The following PARP8 variants were observed in gnomAD, a reference collection of about 807,000 sequenced individuals.
The protein encoded by PARP8 is protein mono-ADP-ribosyltransferase PARP8.
In PARP8, 51 loss-of-function variants were observed where a neutral mutation model predicts 124.1. The ratio of observed to expected loss-of-function variants is 0.41; its 90% CI spans 0.33 to 0.52. The LOEUF (loss-of-function observed/expected upper bound fraction) is 0.52, where lower values mean the gene tolerates loss of function less well. PARP8 is among the 20% of genes least tolerant of loss of function. The pLI is 0.21. For missense variants in PARP8, 860 were observed against 1,018.9 expected (o/e 0.84, Z 2.12); for synonymous variants, 391 against 361.5 (o/e 1.08, Z -0.93).
chr5:50,823,882 G>T (rs1196338431), intron 17 of PARP8, among the ~76,000 whole-genome samples: 1 of 152,238 alleles, frequency 6.6e-6, no homozygotes, highest in East Asian at 1.9e-4. Flanking sequence ...CCTTGGGCAA[G>T]TTGCTTAATT....
intron 2 of PARP8, among the ~76,000 whole-genome samples, chr5:50,701,679 A>G (rs1753608890): frequency 6.6e-6 from 1 of 152,124 alleles, no homozygotes; most frequent in African/African-American, 2.4e-5. Flanking sequence ...CCATTTAAAT[A>G]ATGTGTTGAT....
intron 7 of PARP8, among the ~76,000 whole-genome samples, chr5:50,775,808 A>G: frequency 6.6e-6 from 1 of 152,044 alleles, no homozygotes; most frequent in East Asian, 1.9e-4. Flanking sequence ...GAGCCTTTAG[A>G]GTTTTTTATA....
intron 3 of PARP8, among the ~76,000 whole-genome samples, chr5:50,755,867 T>A (rs1759884207): frequency 6.6e-6 from 1 of 152,272 alleles, no homozygotes; most frequent in South Asian, 2.1e-4. Context: ...TCAGCAGTGG[T>A]TTGTAGTTCT....
intron 14 of PARP8, among the ~76,000 whole-genome samples, chr5:50,803,259 C>A (rs1360905329): frequency 6.6e-6 from 1 of 152,122 alleles, no homozygotes; most frequent in East Asian, 1.9e-4. Context: ...TTCGAGATTT[C>A]TTCTTTGTCT....
chr5:50,719,384 C>G (rs546713520), intron 2 of PARP8, among the ~76,000 whole-genome samples: 1 of 151,982 alleles, frequency 6.6e-6, no homozygotes, highest in African/African-American at 2.4e-5. Flanking sequence ...TGATGTCTTA[C>G]TTAAGAAATC....
chr5:50,778,152 A>G, intron 8 of PARP8, 23 bp downstream of exon 8: 1 of 1,476,072 alleles, frequency 6.8e-7, no homozygotes, highest in Non-Finnish European at 9.4e-7. Flanking sequence ...TTTATGTAAT[A>G]TGAATGGTGC....
intron 14 of PARP8, among the ~76,000 whole-genome samples, chr5:50,815,042 T>G (rs142041345): frequency 9.3e-4 from 141 of 152,274 alleles, no homozygotes; most frequent in Non-Finnish European, 1.1e-3. Flanking sequence ...ATGTTTGTTT[T>G]ATACAGCTTT....
At chr5:50,760,412 A>G in intron 5 of PARP8, 50 bp downstream of exon 5, 2 of 1,295,976 alleles carry the variant, frequency 1.5e-6, no homozygotes, top group Middle Eastern at 2.6e-4. Context: ...GATATATTTA[A>G]AATTTACTGG....
chr5:50,685,827 C>G (rs1452986481), intron 2 of PARP8, among the ~76,000 whole-genome samples: 1 of 152,166 alleles, frequency 6.6e-6, no homozygotes, highest in Non-Finnish European at 1.5e-5. Context: ...GCAAAGAGAG[C>G]TTGTGCAGCA....
chr5:50,746,638 A>G (rs759084672), intron 2 of PARP8, among the ~76,000 whole-genome samples: 1 of 152,196 alleles, frequency 6.6e-6, no homozygotes, highest in Non-Finnish European at 1.5e-5. Flanking sequence ...CCTCTAAATT[A>G]ACCATCCAAA....
chr5:50,771,688 G>A (rs1401891819), intron 7 of PARP8, among the ~76,000 whole-genome samples: 3 of 152,006 alleles, frequency 2.0e-5, no homozygotes. Flanking sequence ...TTTTTATTTA[G>A]TGCCAGATAC....
intron 10 of PARP8, among the ~76,000 whole-genome samples, chr5:50,792,732 T>C (rs1195131018): frequency 6.6e-6 from 1 of 152,144 alleles, no homozygotes; most frequent in Non-Finnish European, 1.5e-5. Context: ...ACTGAGCGAA[T>C]TTACTGTGAA....
chr5:50,721,427 T>C (rs1487354314), intron 2 of PARP8, among the ~76,000 whole-genome samples: 1 of 151,992 alleles, frequency 6.6e-6, no homozygotes, highest in Non-Finnish European at 1.5e-5. Flanking sequence ...TTGTGCCTTC[T>C]GTTGTAGTCC....
chr5:50,696,285 C>T (rs981355034), intron 2 of PARP8, among the ~76,000 whole-genome samples: 16 of 152,020 alleles, frequency 1.1e-4, no homozygotes, highest in Non-Finnish European at 2.2e-4. Flanking sequence ...TAATCTTTAC[C>T]TAGGTGAAAG....
intron 6 of PARP8, among the ~76,000 whole-genome samples, chr5:50,762,700 G>A (rs1203995868): frequency 7.2e-5 from 11 of 152,130 alleles, no homozygotes; most frequent in African/African-American, 1.2e-4. Flanking sequence ...ATAATAAAAC[G>A]GGCTTTCCTC....
chr5:50,827,307 G>T (rs1299112277), intron 19 of PARP8, among the ~76,000 whole-genome samples: 4 of 152,002 alleles, frequency 2.6e-5, no homozygotes, highest in Non-Finnish European at 5.9e-5. Context: ...TGCCATCTGT[G>T]AATCTCTAAA....
At chr5:50,795,550 G>A in intron 12 of PARP8, 133 bp downstream of exon 12, 1 of 744,642 alleles carries the variant, frequency 1.3e-6, no homozygotes, top group Non-Finnish European at 2.0e-6. Context: ...AAATCTTTTT[G>A]GATATTGTTT....
At chr5:50,690,567 C>A (rs1465048811) in intron 2 of PARP8, among the ~76,000 whole-genome samples, 1 of 152,150 alleles carries the variant, frequency 6.6e-6, no homozygotes, top group African/African-American at 2.4e-5. Context: ...AATTTTACCT[C>A]TTCCTTTTTT....
chr5:50,802,042 T>C (rs1376575342), intron 14 of PARP8, among the ~76,000 whole-genome samples: 1 of 152,230 alleles, frequency 6.6e-6, no homozygotes, highest in Non-Finnish European at 1.5e-5. Context: ...ATTGTTGATC[T>C]TGGTTTTAAA....
Sources: gnomAD v4.1 joint callset for allele counts (sites outside exome capture counted in the v4.1 genomes callset) on GRCh38, gnomAD v4.1.1 for gene constraint, MANE v1.5 for transcripts, NCBI Gene and HGNC (gene_info 2026-07-23, HGNC 2026-07-21) for gene names.